TMEM132D: variants seen among roughly 807,000 people sequenced by gnomAD.
TMEM132D encodes the protein mature OL transmembrane protein.
A neutral mutation model predicts 62.3 loss-of-function variants in TMEM132D; 21 were observed. The observed-to-expected ratio is 0.34, with a 90% CI of 0.24 to 0.49. The LOEUF is 0.49. Among genes scored for constraint, TMEM132D ranks in the 20% least tolerant of loss-of-function variants. TMEM132D has a pLI of 0.99. For missense variants in TMEM132D, 1,346 were observed against 1,402.8 expected (o/e 0.96, Z 0.65); for synonymous variants, 621 against 575.6 (o/e 1.08, Z -1.13).
chr12:129,367,348 A>G (rs1446614448), intron 3 of TMEM132D, among the ~76,000 whole-genome samples: 1 of 152,160 alleles, frequency 6.6e-6, no homozygotes, highest in Non-Finnish European at 1.5e-5. Context: ...AGGTGGCAAG[A>G]GAATAAACAC....
In TMEM132D at chr12:129,381,056, G is replaced by A. The variant is rs1186783801; in HGVS notation, c.1116-43239C>T. Among the ~76,000 whole-genome samples the A allele has an allele frequency of 2.0e-5, 3 of 152,110 alleles. No individual in the cohort carries two copies. The East Asian group carries it at 5.8e-4, about 29-fold the overall frequency. On this transcript the variant is annotated intron_variant, in intron 3 of 8. Transcript: ENST00000422113. The stretch of plus-strand genomic sequence containing the variant: ...ATAATCAAAGACCTCCTTCAAGCCT[G>A]GTAGTAGCAACTTTGATACAAATCA...
At chr12:129,175,810 C>A (rs1225881384) in intron 5 of TMEM132D, among the ~76,000 whole-genome samples, 1 of 152,214 alleles carries the variant, frequency 6.6e-6, no homozygotes, top group Admixed American at 6.5e-5. Flanking sequence ...GTCCATCTAA[C>A]TTCTCAGAGT....
chr12:129,462,239 CG>C (rs1271650657), intron 3 of TMEM132D, among the ~76,000 whole-genome samples: 1 of 151,912 alleles, frequency 6.6e-6, no homozygotes, highest in Non-Finnish European at 1.5e-5. Context: ...AAGGGAGTGT[CG>C]GGGATGTGGA....
intron 4 of TMEM132D, among the ~76,000 whole-genome samples, chr12:129,225,959 C>T (rs2050202118): frequency 6.6e-6 from 1 of 152,154 alleles, no homozygotes; most frequent in African/African-American, 2.4e-5. Flanking sequence ...GATCCCTGAG[C>T]ACAAGCCAAC....
At chr12:129,574,766 G>A (rs1213642708) in intron 2 of TMEM132D, among the ~76,000 whole-genome samples, 1 of 151,736 alleles carries the variant, frequency 6.6e-6, no homozygotes, top group Non-Finnish European at 1.5e-5. Context: ...ATGAACAACT[G>A]GGAAATCTAA....
intron 2 of TMEM132D, among the ~76,000 whole-genome samples, chr12:129,552,261 A>AATCT (rs10642115): frequency 0.89 from 135,530 of 151,926 alleles, 60,560 homozygotes; most frequent in East Asian, 0.99. Context: ...TCCATATTAA[A>AATCT]ATCTAACATA....
At chr12:129,421,996 C>A (rs903720424) in intron 3 of TMEM132D, among the ~76,000 whole-genome samples, 5 of 151,732 alleles carry the variant, frequency 3.3e-5, no homozygotes, top group Middle Eastern at 3.4e-3. Flanking sequence ...TTCTCCTGTG[C>A]CTTCGCGGTC....
chr12:129,078,327 T>G (rs1874344926), intron 8 of TMEM132D, among the ~76,000 whole-genome samples: 1 of 152,364 alleles, frequency 6.6e-6, no homozygotes. Context: ...ATATATGTAT[T>G]TATTTTTTTC....
At chr12:129,313,761 T>C (rs1882040407) in intron 4 of TMEM132D, among the ~76,000 whole-genome samples, 1 of 152,290 alleles carries the variant, frequency 6.6e-6, no homozygotes, top group Non-Finnish European at 1.5e-5. Context: ...GTAGCTCTAC[T>C]TTTAGTTCTT....
intron 2 of TMEM132D, among the ~76,000 whole-genome samples, chr12:129,638,297 T>C (rs1342112820): frequency 1.3e-5 from 2 of 152,100 alleles, no homozygotes; most frequent in East Asian, 3.9e-4. Flanking sequence ...TACTGGCTGA[T>C]AAAATCACCT....
chr12:129,244,579 A>T (rs1880041893), intron 4 of TMEM132D, among the ~76,000 whole-genome samples: 1 of 152,010 alleles, frequency 6.6e-6, no homozygotes, highest in African/African-American at 2.4e-5. Flanking sequence ...CACAAAACCC[A>T]TCCGACTAAG....
At chr12:129,863,587 C>G (rs1196395828) in intron 1 of TMEM132D, among the ~76,000 whole-genome samples, 1 of 152,126 alleles carries the variant, frequency 6.6e-6, no homozygotes, top group African/African-American at 2.4e-5. Context: ...GTAAGCCTTG[C>G]TAGTATTACC....
intron 5 of TMEM132D, among the ~76,000 whole-genome samples, chr12:129,103,939 T>G (rs1875400677): frequency 6.6e-6 from 1 of 152,180 alleles, no homozygotes; most frequent in Non-Finnish European, 1.5e-5. Flanking sequence ...GTAGGAATAA[T>G]CAATATCTTG....
chr12:129,675,677 ATGTCTGGAGACATTTTTGGT>A (rs1425693894), intron 2 of TMEM132D, among the ~76,000 whole-genome samples: 1 of 152,164 alleles, frequency 6.6e-6, no homozygotes, highest in Non-Finnish European at 1.5e-5. Context: ...ACAGTTGGTA[ATGTCTGGAGACATTTTTGGT>A]TGTCAGGACT....
At chr12:129,366,517 G>A (rs918010113) in intron 3 of TMEM132D, among the ~76,000 whole-genome samples, 2 of 152,152 alleles carry the variant, frequency 1.3e-5, no homozygotes, top group Non-Finnish European at 2.9e-5. Context: ...CCAGCGTTGT[G>A]CTTCCTGCAC....
chr12:129,437,464 C>T (rs528221159), intron 3 of TMEM132D, among the ~76,000 whole-genome samples: 22 of 152,148 alleles, frequency 1.4e-4, no homozygotes, highest in Non-Finnish European at 2.8e-4. Flanking sequence ...TATGAATGAA[C>T]GGGCATGGCC....
At chr12:129,816,283 C>A (rs1321404667) in intron 1 of TMEM132D, among the ~76,000 whole-genome samples, 1 of 152,130 alleles carries the variant, frequency 6.6e-6, no homozygotes, top group East Asian at 1.9e-4. Context: ...ACTTCAACAT[C>A]TTCTGATTAT....
chr12:129,769,376 C>T (rs944197328), intron 1 of TMEM132D, among the ~76,000 whole-genome samples: 7 of 152,114 alleles, frequency 4.6e-5, no homozygotes, highest in Admixed American at 1.3e-4. Flanking sequence ...CTTATAAAAT[C>T]GTCAGATCTC....
At chr12:129,543,732 C>A (rs547516044) in intron 2 of TMEM132D, among the ~76,000 whole-genome samples, 1 of 152,276 alleles carries the variant, frequency 6.6e-6, no homozygotes, top group Non-Finnish European at 1.5e-5. Flanking sequence ...ATAAGTTGAA[C>A]CACCATAAGC....
Sources: allele counts gnomAD v4.1 joint callset (sites outside exome capture counted in the v4.1 genomes callset), GRCh38; gene constraint gnomAD v4.1.1; transcripts MANE v1.5; gene names NCBI Gene and HGNC (gene_info 2026-07-23, HGNC 2026-07-21).